The following SDR42E2 variants were observed in gnomAD, a reference collection of about 807,000 sequenced individuals.
SDR42E2 encodes the protein putative short-chain dehydrogenase/reductase family 42E member 2.
Under a neutral mutation model 10.5 loss-of-function variants are expected in SDR42E2, and 20 were observed. The observed-to-expected ratio is 1.90, with a 90% CI of 1.34 to 2.77. The LOEUF (loss-of-function observed/expected upper bound fraction) is 2.77. Among genes scored for constraint, SDR42E2 ranks in the 30% most tolerant of loss-of-function variants. The probability of loss-of-function intolerance (pLI) is 0.00; values close to 1 mark genes in which losing one functional copy is unlikely to be tolerated. For missense variants in SDR42E2, 162 were observed against 104.2 expected, an observed-to-expected ratio of 1.55 and a Z score of -2.42; for synonymous variants, 72 against 39.2, an observed-to-expected ratio of 1.84 and a Z score of -3.12.
rs1023611119 is a variant in SDR42E2 at position 22,184,263 on chromosome 16, G to A, written c.940+19G>A. 1.7e-5 allele frequency: 7 copies of A among 401,044 alleles called. No homozygotes were observed. The highest frequency in any genetic ancestry group is 7.1e-5 in the East Asian group (2 of 28,074). The allele number at this position is 401,044 out of a possible 1,614,324, so 24.8% of individuals were successfully genotyped here. ...CTGACAGGTAAGGAAAGGAGTGTGC[G>A]TAGTAAAGCCCTCCATGTGCCAGGT... On this transcript the variant is annotated intron_variant, in intron 11 of 12. Coordinates refer to ENST00000602312, the MANE Select transcript of SDR42E2 (RefSeq NM_001394319.2).
chr16:22,180,577 T>C (rs559584506), intron 8 of SDR42E2, among the ~76,000 whole-genome samples: 19 of 152,132 alleles, frequency 1.2e-4, no homozygotes, highest in Non-Finnish European at 2.5e-4. Flanking sequence ...GTGGTATTCA[T>C]CTATAGTCCC....
intron 7 of SDR42E2, among the ~76,000 whole-genome samples, chr16:22,173,037 T>C (rs2046614030): frequency 6.6e-6 from 1 of 152,116 alleles, no homozygotes; most frequent in African/African-American, 2.4e-5. Context: ...TGCCTCGAAC[T>C]CCCAAATGCT....
At chr16:22,175,046 A>G (rs1206933574) in intron 7 of SDR42E2, among the ~76,000 whole-genome samples, 1 of 152,118 alleles carries the variant, frequency 6.6e-6, no homozygotes, top group Non-Finnish European at 1.5e-5. Context: ...CAGAGTCCTG[A>G]GGCGTGCAGA....
chr16:22,169,799 C>T (rs1448410074), intron 5 of SDR42E2, among the ~76,000 whole-genome samples: 1 of 148,224 alleles, frequency 6.7e-6, no homozygotes, highest in Non-Finnish European at 1.5e-5. Flanking sequence ...GGGAGACCAA[C>T]AGGGGTGGAT....
At chr16:22,184,005 C>A (rs577459705) in intron 10 of SDR42E2, among the ~76,000 whole-genome samples, 176 bp from the exon 11 acceptor site, 1 of 151,884 alleles carries the variant, frequency 6.6e-6, no homozygotes, top group Non-Finnish European at 1.5e-5. Context: ...GGTCAAGGTG[C>A]GGATTTCATT....
chr16:22,176,101 T>A (rs967360236), intron 7 of SDR42E2, among the ~76,000 whole-genome samples: 4 of 152,202 alleles, frequency 2.6e-5, no homozygotes, highest in Middle Eastern at 6.8e-3. Flanking sequence ...TTATTGTGTA[T>A]TTTCAAATAG....
chr16:22,186,161 T>C (rs187397306), intron 11 of SDR42E2, among the ~76,000 whole-genome samples: 1 of 152,224 alleles, frequency 6.6e-6, no homozygotes, highest in Admixed American at 6.5e-5. Context: ...GATTATTATA[T>C]GGATAACTTT....
intron 6 of SDR42E2, among the ~76,000 whole-genome samples, chr16:22,172,041 T>G (rs2046605778): frequency 6.6e-6 from 1 of 152,198 alleles, no homozygotes. Flanking sequence ...CTGGTCATTG[T>G]TACTGCTCCG....
intron 11 of SDR42E2, among the ~76,000 whole-genome samples, chr16:22,186,408 T>G (rs1313598051): frequency 1.3e-5 from 2 of 152,110 alleles, no homozygotes; most frequent in African/African-American, 4.8e-5. Context: ...GGTTTCACCA[T>G]GTTGACCAGC....
rs895733731 is a variant in SDR42E2 at position 22,174,204 on chromosome 16, G to A, written c.589+1873G>A. Among the ~76,000 whole-genome samples the A allele has an allele frequency of 8.6e-5, 13 of 151,924 alleles. No individual in the cohort carries two copies. The South Asian group carries it at 1.7e-3, about 19-fold the overall frequency. Reference sequence around the variant, plus strand: ...AAAAATTAGCTGGGCATGGCAATGCGTCCCTGTAATCCCAGCTACTCAGGA... The same window carrying A: ...AAAAATTAGCTGGGCATGGCAATGCATCCCTGTAATCCCAGCTACTCAGGA... On this transcript the variant is annotated intron_variant, in intron 7 of 12. Transcript: ENST00000602312.
At chr16:22,169,228 G>A (rs1342702233) in intron 4 of SDR42E2, among the ~76,000 whole-genome samples, 1 of 152,142 alleles carries the variant, frequency 6.6e-6, no homozygotes, top group African/African-American at 2.4e-5. Flanking sequence ...TTACAAATGA[G>A]GTTGCTGAGG....
intron 7 of SDR42E2, among the ~76,000 whole-genome samples, chr16:22,177,115 C>A (rs143058469): frequency 1.3e-5 from 2 of 152,290 alleles, no homozygotes; most frequent in East Asian, 1.9e-4. Context: ...AGCTCCACTG[C>A]GCTGATCTGT....
chr16:22,176,879 G>T (rs1488959880), intron 7 of SDR42E2, among the ~76,000 whole-genome samples: 1 of 152,240 alleles, frequency 6.6e-6, no homozygotes, highest in Non-Finnish European at 1.5e-5. Flanking sequence ...CTCTGTCAGG[G>T]TCTGGGGAAC....
At chr16:22,175,845 T>C (rs752214702) in intron 7 of SDR42E2, among the ~76,000 whole-genome samples, 23 of 151,718 alleles carry the variant, frequency 1.5e-4, no homozygotes, top group Admixed American at 2.6e-4. Context: ...ATACAAAAAT[T>C]AGTGGGGCGT....
chr16:22,163,538 C>G (rs559960560), intron 1 of SDR42E2, among the ~76,000 whole-genome samples: 2 of 152,218 alleles, frequency 1.3e-5, no homozygotes, highest in Non-Finnish European at 2.9e-5. Flanking sequence ...AAACCCCCGT[C>G]TCTACTAAAA....
intron 2 of SDR42E2, among the ~76,000 whole-genome samples, chr16:22,165,933 C>T (rs930667727): frequency 1.4e-5 from 2 of 142,908 alleles, no homozygotes; most frequent in African/African-American, 5.2e-5. Context: ...GAGCTGGGTC[C>T]GTACCTGGGC....
chr16:22,174,819 C>T (rs777231887), intron 7 of SDR42E2, among the ~76,000 whole-genome samples: 3 of 152,050 alleles, frequency 2.0e-5, no homozygotes, highest in South Asian at 2.1e-4. Context: ...TTCAATGCCC[C>T]GCCTGCCAAC....
At position 22,172,274 on chromosome 16, in the gene SDR42E2, C is replaced by T. The variant is rs753045575; in HGVS notation, c.532C>T (p.Arg178Ter). The change falls in exon 7 of 13, where the codon CGA (arginine) becomes TGA (stop). Residue 178 changes from arginine (R) to a stop codon, truncating the protein, a stop_gained. Transcript: ENST00000602312. LOFTEE classifies it high-confidence loss of function. ...CTGGCAGCACGTAGACCACTACTCCCGAACCAAAGCCATCGCCGACCAATT... is the reference window on the plus strand; with the variant it reads ...CTGGCAGCACGTAGACCACTACTCCTGAACCAAAGCCATCGCCGACCAATT... ...PLDEHVDHYS[R>*]TKAIADQLTL... 8 of 703,150 alleles carry T rather than the reference C, an allele frequency of 1.1e-5. No individual in the cohort carries two copies. The highest frequency in any genetic ancestry group is 8.0e-5 in the East Asian group (3 of 37,284). The allele number at this position is 703,150 out of a possible 1,614,324, so 43.6% of individuals were successfully genotyped here. A position where few individuals can be genotyped will look rare whatever the true frequency, so the allele number is the denominator to read the frequency against.
At chr16:22,166,100 C>T (rs2046535611) in intron 2 of SDR42E2, 150 bp from the exon 3 acceptor site, 7 of 481,116 alleles carry the variant, frequency 1.5e-5, no homozygotes, top group Admixed American at 8.3e-5. Flanking sequence ...GTACCTGGGC[C>T]GGGAGCTGGA....
Sources: allele counts gnomAD v4.1 joint callset (sites outside exome capture counted in the v4.1 genomes callset), GRCh38; gene constraint gnomAD v4.1.1; transcripts MANE v1.5; gene names NCBI Gene and HGNC (gene_info 2026-07-23, HGNC 2026-07-21).